KIF18A: variants seen among roughly 807,000 people sequenced by gnomAD.
KIF18A encodes the protein kinesin family member 18A.
Under a neutral mutation model 103.3 loss-of-function variants are expected in KIF18A, and 67 were observed. That is an observed-to-expected ratio of 0.65 (90% confidence interval 0.53 to 0.79). KIF18A has a LOEUF of 0.79. Among genes scored for constraint, KIF18A ranks in the 30% least tolerant of loss-of-function variants. The pLI is 0.00. For missense variants in KIF18A, 1,032 were observed against 1,062.5 expected, an observed-to-expected ratio of 0.97 and a Z score of 0.40; for synonymous variants, 367 against 355.5, an observed-to-expected ratio of 1.03 and a Z score of -0.36.
At chr11:28,091,654 C>G (rs1217866749) in intron 3 of KIF18A, 141 bp from the exon 4 acceptor site, 1 of 476,050 alleles carries the variant, frequency 2.1e-6, no homozygotes, top group Non-Finnish European at 3.7e-6. Flanking sequence ...CTCATACCTT[C>G]GATCTCATGT....
intron 6 of KIF18A, among the ~76,000 whole-genome samples, chr11:28,085,236 C>T (rs2133555024): frequency 6.6e-6 from 1 of 152,144 alleles, no homozygotes; most frequent in South Asian, 2.1e-4. Context: ...TGGGAAGACA[C>T]CCATTACTTA....
chr11:28,086,545 C>T (rs1056608289), intron 6 of KIF18A, among the ~76,000 whole-genome samples: 6 of 152,120 alleles, frequency 3.9e-5, no homozygotes, highest in African/African-American at 7.2e-5. Context: ...CTAATGTTAT[C>T]CAATGTATAC....
At chr11:28,106,088 T>C (rs1053339676) in intron 1 of KIF18A, among the ~76,000 whole-genome samples, 3 of 152,228 alleles carry the variant, frequency 2.0e-5, no homozygotes, top group South Asian at 4.1e-4. Flanking sequence ...AATTCATTGA[T>C]TGTATTCACT....
chr11:28,049,139 C>G (rs1850678333), intron 13 of KIF18A, among the ~76,000 whole-genome samples: 1 of 151,972 alleles, frequency 6.6e-6, no homozygotes, highest in Admixed American at 6.6e-5. Flanking sequence ...GCCAAATTTT[C>G]TAAAAATATT....
chr11:28,075,746 G>C (rs998303865), intron 10 of KIF18A, among the ~76,000 whole-genome samples: 1 of 152,116 alleles, frequency 6.6e-6, no homozygotes, highest in Non-Finnish European at 1.5e-5. Flanking sequence ...TTAGTGGCTA[G>C]AGTTGAGAAT....
intron 13 of KIF18A, among the ~76,000 whole-genome samples, chr11:28,046,738 T>C (rs1342849482): frequency 1.9e-3 from 38 of 20,340 alleles, no homozygotes; most frequent in Non-Finnish European, 3.1e-3. Context: ...TGAAATTAAA[T>C]GAAAAAAAAA....
intron 15 of KIF18A, among the ~76,000 whole-genome samples, chr11:28,030,555 T>A (rs922274603): frequency 5.3e-5 from 8 of 152,172 alleles, no homozygotes; most frequent in Non-Finnish European, 1.2e-4. Flanking sequence ...GACTTAAATG[T>A]TAGAGCTAAA....
Position 28,104,123 on chromosome 11 carries a change from A to G in KIF18A, c.-47+3941T>C, listed in dbSNP as rs528678194. Among the ~76,000 whole-genome samples, 14 of 152,322 alleles carry G rather than the reference A, an allele frequency of 9.2e-5. 1 individual carries two copies. In the South Asian group the frequency reaches 2.9e-3, roughly 32 times the overall value. On this transcript the variant is annotated intron_variant, in intron 1 of 16. Coordinates refer to ENST00000263181, the MANE Select transcript of KIF18A (RefSeq NM_031217.4). ...GTAGCTAGTGCTCATCCCAGATTAA[A>G]GATTCACCCCTAATTATATGCAAGT...
chr11:28,033,151 AATGAG>A (rs1451539998), intron 15 of KIF18A, among the ~76,000 whole-genome samples: 1 of 151,866 alleles, frequency 6.6e-6, no homozygotes, highest in African/African-American at 2.4e-5. Context: ...TCAAAACTAC[AATGAG>A]ATATCATCTC....
intron 15 of KIF18A, among the ~76,000 whole-genome samples, chr11:28,028,696 G>A (rs375809851): frequency 6.6e-6 from 1 of 151,936 alleles, no homozygotes; most frequent in African/African-American, 2.4e-5. Flanking sequence ...AACTGAAGGA[G>A]ATAGAGACGC....
At chr11:28,055,951 T>C (rs967671014) in intron 13 of KIF18A, among the ~76,000 whole-genome samples, 4 of 152,118 alleles carry the variant, frequency 2.6e-5, no homozygotes, top group Non-Finnish European at 4.4e-5. Context: ...ATGACCATAC[T>C]AAAATTCATG....
At chr11:28,106,993 A>G (rs1851528344) in intron 1 of KIF18A, among the ~76,000 whole-genome samples, 1 of 152,150 alleles carries the variant, frequency 6.6e-6, no homozygotes, top group South Asian at 2.1e-4. Flanking sequence ...AAATAATAGA[A>G]AAGGAGATTA....
intron 9 of KIF18A, among the ~76,000 whole-genome samples, chr11:28,081,545 T>G (rs1253714335): frequency 6.6e-6 from 1 of 152,164 alleles, no homozygotes; most frequent in African/African-American, 2.4e-5. Context: ...AAGCCCACTG[T>G]TAAGACCTAT....
chr11:28,088,484 A>T (rs910726268), intron 6 of KIF18A, 40 bp downstream of exon 6: 1 of 1,497,200 alleles, frequency 6.7e-7, no homozygotes, highest in Non-Finnish European at 9.2e-7. Context: ...ATCTATTTCA[A>T]TATTTCAAAC....
At chr11:28,050,138 T>C (rs573374963) in intron 13 of KIF18A, among the ~76,000 whole-genome samples, 1 of 151,832 alleles carries the variant, frequency 6.6e-6, no homozygotes, top group Non-Finnish European at 1.5e-5. Context: ...CTGTGGGAAA[T>C]AGCAGATATC....
chr11:28,070,212 C>CA (rs796067991), intron 10 of KIF18A, among the ~76,000 whole-genome samples: 7 of 151,194 alleles, frequency 4.6e-5, no homozygotes, highest in East Asian at 1.9e-4. Context: ...AGCAGGAAAT[C>CA]AAAAAAAAGA....
At chr11:28,092,959 C>T (rs1032805828) in intron 3 of KIF18A, among the ~76,000 whole-genome samples, 1 of 152,164 alleles carries the variant, frequency 6.6e-6, no homozygotes, top group Non-Finnish European at 1.5e-5. Context: ...GTATGACACT[C>T]ACCAAGGAGC....
chr11:28,094,926 T>C (rs909015895), intron 2 of KIF18A, 126 bp from the exon 3 acceptor site: 11 of 853,362 alleles, frequency 1.3e-5, no homozygotes, highest in Admixed American at 4.8e-5. Context: ...AATCCAAAAT[T>C]ATAGTCTTAT....
At chr11:28,039,354 T>C (rs987643826) in intron 13 of KIF18A, among the ~76,000 whole-genome samples, 1 of 151,760 alleles carries the variant, frequency 6.6e-6, no homozygotes, top group African/African-American at 2.4e-5. Context: ...AGGCTGATGA[T>C]TAATATAAAC....
Sources: gnomAD v4.1 joint callset for allele counts (sites outside exome capture counted in the v4.1 genomes callset) on GRCh38, gnomAD v4.1.1 for gene constraint, MANE v1.5 for transcripts, NCBI Gene and HGNC (gene_info 2026-07-23, HGNC 2026-07-21) for gene names.